Variants in KCNMB2 observed in about 807,000 individuals in gnomAD.
KCNMB2 encodes calcium-activated potassium channel subunit beta-2.
Under a neutral mutation model 24.5 loss-of-function variants are expected in KCNMB2, and 9 were observed. That is an observed-to-expected ratio of 0.37 (90% confidence interval 0.22 to 0.64). The LOEUF (loss-of-function observed/expected upper bound fraction) is 0.64. KCNMB2 is among the 30% of genes least tolerant of loss of function. The pLI is 0.63. For synonymous variants in KCNMB2, 109 were observed against 104.4 expected (o/e 1.04, Z -0.27); for missense variants, 226 against 284.3 (o/e 0.79, Z 1.47).
intron 1 of KCNMB2, among the ~76,000 whole-genome samples, chr3:178,787,990 C>T (rs998254820): frequency 9.2e-5 from 14 of 152,112 alleles, no homozygotes; most frequent in Non-Finnish European, 1.8e-4. Context: ...CATACAAATG[C>T]ATTATGTACA....
chr3:178,828,921 G>A (rs1438610540), intron 4 of KCNMB2, among the ~76,000 whole-genome samples: 1 of 132,102 alleles, frequency 7.6e-6, no homozygotes. Flanking sequence ...TCAACCCATG[G>A]TCACTGTGTG....
intron 1 of KCNMB2, among the ~76,000 whole-genome samples, chr3:178,602,098 C>G (rs754213931): frequency 6.6e-6 from 1 of 152,130 alleles, no homozygotes; most frequent in Non-Finnish European, 1.5e-5. Context: ...GGATAATACC[C>G]TAATATCACC....
At position 178,807,358 on chromosome 3, in the gene KCNMB2, C is replaced by A; in HGVS notation, c.-52C>A. 6.6e-7 allele frequency: 1 copy of A among 1,520,652 alleles called. No individual in the cohort carries two copies. Among genetic ancestry groups the A allele is most frequent in the Non-Finnish European group, 9.1e-7 (1 of 1,099,090 alleles). The allele number at this position is 1,520,652 out of a possible 1,614,324, so 94.2% of individuals were successfully genotyped here. ...CCTCTTCTAGGTCTTTTTGCCATTC[C>A]TCCAGGACATCCACCATAAGGAAAG... On this transcript the variant is annotated 5_prime_UTR_variant, in exon 2 of 5. Coordinates refer to ENST00000452583, the MANE Select transcript of KCNMB2 (RefSeq NM_181361.3).
chr3:178,598,174 CCTCTAAACT>C lies in KCNMB2; in HGVS notation c.-68+61473_-68+61481del, dbSNP rs1219719225. On this transcript the variant is annotated intron_variant, in intron 1 of 4. Transcript: ENST00000452583. ...TTTTGCTATAACCCCTCCATCTTAA[CCTCTAAACT>C]CTCTAAACTGGGGAGTAGTTCCGTA... Among the ~76,000 whole-genome samples, 10 of 152,174 alleles carry C rather than the reference CCTCTAAACT, an allele frequency of 6.6e-5. No homozygotes were observed. The East Asian group carries it at 1.9e-3, about 29-fold the overall frequency.
intron 1 of KCNMB2, among the ~76,000 whole-genome samples, chr3:178,685,602 C>G (rs1721440708): frequency 6.6e-6 from 1 of 152,202 alleles, no homozygotes; most frequent in Admixed American, 6.5e-5. Context: ...CTTTAGTCAC[C>G]TTGTTTTTAT....
In KCNMB2 at chr3:178,691,107, C is replaced by T. The variant is rs773412429; in HGVS notation, c.-67-116236C>T. Reference sequence around the variant, plus strand: ...TGTACAGCATAATTCCCCATTAAGTCTTTTTTTTTTTTTTTTTTTTGATAG... The same window carrying T: ...TGTACAGCATAATTCCCCATTAAGTTTTTTTTTTTTTTTTTTTTTTGATAG... On this transcript the variant is annotated intron_variant, in intron 1 of 4. Transcript: ENST00000452583. Among the ~76,000 whole-genome samples, 374 of 79,604 alleles carry T rather than the reference C, an allele frequency of 4.7e-3. 1 individual carries two copies. Among genetic ancestry groups the T allele is most frequent in the Middle Eastern group, 0.018 (2 of 114 alleles). The allele number at this position is 79,604 out of a possible 152,430, so 52.2% of individuals were successfully genotyped here.
At chr3:178,638,349 C>T (rs934133478) in intron 1 of KCNMB2, among the ~76,000 whole-genome samples, 16 of 152,144 alleles carry the variant, frequency 1.1e-4, no homozygotes, top group Admixed American at 9.8e-4. Context: ...CAGATACACT[C>T]CTAACTTACT....
At chr3:178,762,722 T>A (rs1160784220) in intron 1 of KCNMB2, among the ~76,000 whole-genome samples, 2 of 151,512 alleles carry the variant, frequency 1.3e-5, no homozygotes, top group Non-Finnish European at 2.9e-5. Context: ...ATATTGGAAG[T>A]AGAAGCAACA....
At chr3:178,820,236 G>A (rs549866636) in intron 2 of KCNMB2, among the ~76,000 whole-genome samples, 2 of 152,352 alleles carry the variant, frequency 1.3e-5, no homozygotes, top group African/African-American at 4.8e-5. Flanking sequence ...TAGCCATTGA[G>A]AAACTGATCC....
chr3:178,614,301 G>GTGTA lies in KCNMB2; in HGVS notation c.-68+77591_-68+77592insGTAT, dbSNP rs1553821419. Among the ~76,000 whole-genome samples the GTGTA allele has an allele frequency of 2.3e-3, 133 of 57,962 alleles. 1 individual carries two copies. Among genetic ancestry groups the GTGTA allele is most frequent in the African/African-American group, 4.4e-3 (77 of 17,392 alleles). The allele number at this position is 57,962 out of a possible 152,430, so 38.0% of individuals were successfully genotyped here. A position where few individuals can be genotyped will look rare whatever the true frequency, so the allele number is the denominator to read the frequency against. The stretch of plus-strand genomic sequence containing the variant: ...TATATATATATATATATATATGTAT[G>GTGTA]TATATATATGTATGTGTATATATAT... On this transcript the variant is annotated intron_variant, in intron 1 of 4. Transcript: ENST00000452583.
chr3:178,569,974 G>C (rs2108475462), intron 1 of KCNMB2, among the ~76,000 whole-genome samples: 1 of 152,176 alleles, frequency 6.6e-6, no homozygotes, highest in African/African-American at 2.4e-5. Context: ...AACTCCTATA[G>C]TATTCATTGC....
intron 1 of KCNMB2, among the ~76,000 whole-genome samples, chr3:178,777,336 A>C (rs1163746973): frequency 6.6e-6 from 1 of 152,138 alleles, no homozygotes; most frequent in Non-Finnish European, 1.5e-5. Flanking sequence ...TCAGAGGCTG[A>C]GGCAGGAGAA....
intron 1 of KCNMB2, among the ~76,000 whole-genome samples, chr3:178,749,388 A>G (rs1723769628): frequency 6.6e-6 from 1 of 152,258 alleles, no homozygotes; most frequent in African/African-American, 2.4e-5. Flanking sequence ...GCACAAAGCT[A>G]TAAGCCCCTA....
At chr3:178,758,040 ATCTAGATATATATATATATC>A (rs1724231742) in intron 1 of KCNMB2, among the ~76,000 whole-genome samples, 1 of 2,748 alleles carries the variant, frequency 3.6e-4, no homozygotes, top group African/African-American at 6.9e-4. Context: ...ATATATATAT[ATCTAGATATATATATATATC>A]TCCAAGAGGA....
At chr3:178,815,675 A>G (rs1008491539) in intron 2 of KCNMB2, among the ~76,000 whole-genome samples, 1 of 152,122 alleles carries the variant, frequency 6.6e-6, no homozygotes, top group Non-Finnish European at 1.5e-5. Context: ...TATTTCTTCT[A>G]TACCATTTAT....
chr3:178,698,863 C>T (rs1721980183), intron 1 of KCNMB2, among the ~76,000 whole-genome samples: 1 of 152,192 alleles, frequency 6.6e-6, no homozygotes, highest in African/African-American at 2.4e-5. Context: ...GACTTTGTCT[C>T]TGGGAGATTT....
At chr3:178,805,690 C>T (rs1460318981) in intron 1 of KCNMB2, among the ~76,000 whole-genome samples, 2 of 151,988 alleles carry the variant, frequency 1.3e-5, no homozygotes. Context: ...GGTGCAGTGA[C>T]ACAACCACGG....
At chr3:178,572,248 C>T (rs1035973755) in intron 1 of KCNMB2, among the ~76,000 whole-genome samples, 66 of 152,144 alleles carry the variant, frequency 4.3e-4, no homozygotes, top group Admixed American at 7.9e-4. Context: ...CAGAATCATG[C>T]CACTTGCTTA....
In KCNMB2 at chr3:178,644,484, C is replaced by T. The variant is rs574726788; in HGVS notation, c.-68+107773C>T. ...CACTCTGTCACACTAAGGGCTTACA[C>T]TCATCCTGAGACACCTGGAACTCCA... On this transcript the variant is annotated intron_variant, in intron 1 of 4. Transcript: ENST00000452583. 3.6e-4 allele frequency among the ~76,000 whole-genome samples: 55 copies of T among 152,366 alleles called. 2 individuals are homozygous for T. In the South Asian group the frequency reaches 0.011, roughly 30 times the overall value.
Sources: gnomAD v4.1 joint callset for allele counts (sites outside exome capture counted in the v4.1 genomes callset) on GRCh38, gnomAD v4.1.1 for gene constraint, MANE v1.5 for transcripts, NCBI Gene and HGNC (gene_info 2026-07-23, HGNC 2026-07-21) for gene names.